SPTLC2: variants seen among roughly 807,000 people sequenced by gnomAD.
The protein encoded by SPTLC2 is serine palmitoyltransferase 2.
SPTLC2 carries 21 observed loss-of-function variants against 62.0 expected under a neutral mutation model. The observed-to-expected ratio is 0.34, with a 90% CI of 0.24 to 0.49. SPTLC2 has a LOEUF of 0.49. Ranked by LOEUF, SPTLC2 falls within the 20% of genes least tolerant of loss-of-function variation. The pLI is 0.99. For missense variants in SPTLC2, 511 were observed against 713.0 expected, an observed-to-expected ratio of 0.72 and a Z score of 3.23; for synonymous variants, 261 against 261.8, an observed-to-expected ratio of 1.00 and a Z score of 0.03.
chr14:77,570,628 A>C (rs573649273), intron 4 of SPTLC2, 120 bp from the exon 5 acceptor site: 97 of 1,169,806 alleles, frequency 8.3e-5, no homozygotes, highest in African/African-American at 5.3e-4. Flanking sequence ...AGATCTATGA[A>C]GGAGTCAATA....
chr14:77,535,014 G>A (rs4903600), intron 9 of SPTLC2, among the ~76,000 whole-genome samples: 36,385 of 151,900 alleles, frequency 0.24, 4,957 homozygotes, highest in Middle Eastern at 0.38. Context: ...GCAACCCTCC[G>A]CCTCCCGGGT....
intron 9 of SPTLC2, among the ~76,000 whole-genome samples, chr14:77,527,940 A>G (rs73319095): frequency 6.6e-6 from 1 of 152,136 alleles, no homozygotes; most frequent in Non-Finnish European, 1.5e-5. Context: ...TAACCAACAA[A>G]AACATGTTTG....
rs1595024933 is a variant in SPTLC2, at chr14:77,616,171, G to A, written c.132+277C>T. On this transcript the variant is annotated intron_variant, in intron 1 of 11. Coordinates refer to ENST00000216484, the MANE Select transcript of SPTLC2 (RefSeq NM_004863.4). Reference sequence around the variant, plus strand: ...CCCCTGGGGACAGCACACACTTCTGGCAGAATGGGGCAGAGAAAAGTACCC... The same window carrying A: ...CCCCTGGGGACAGCACACACTTCTGACAGAATGGGGCAGAGAAAAGTACCC... Among the ~76,000 whole-genome samples the A allele has an allele frequency of 2.6e-5, 4 of 152,288 alleles. No individual in the cohort carries two copies. In the South Asian group the frequency reaches 6.2e-4, roughly 24 times the overall value.
At chr14:77,545,190 A>G (rs535073536) in intron 9 of SPTLC2, among the ~76,000 whole-genome samples, 9 of 152,290 alleles carry the variant, frequency 5.9e-5, no homozygotes, top group Admixed American at 4.6e-4. Context: ...TAGAAAAACT[A>G]TAGGTGACAA....
intron 9 of SPTLC2, among the ~76,000 whole-genome samples, chr14:77,543,088 T>C (rs1241843690): frequency 6.6e-6 from 1 of 152,206 alleles, no homozygotes; most frequent in African/African-American, 2.4e-5. Context: ...CTCACTCTGT[T>C]GCCTGAGCTG....
intron 9 of SPTLC2, among the ~76,000 whole-genome samples, chr14:77,534,923 A>G (rs112283964): frequency 0.029 from 4,306 of 148,912 alleles, 218 homozygotes; most frequent in African/African-American, 0.1. Context: ...GATGCAGCCA[A>G]GTGCTATTTC....
intron 8 of SPTLC2, among the ~76,000 whole-genome samples, chr14:77,555,094 G>A (rs1180118738): frequency 6.6e-6 from 1 of 152,154 alleles, no homozygotes; most frequent in Non-Finnish European, 1.5e-5. Context: ...TTAGAAAGAA[G>A]CTCAAATAAG....
chr14:77,587,878 T>C (rs1051384731), intron 2 of SPTLC2, among the ~76,000 whole-genome samples: 1 of 131,826 alleles, frequency 7.6e-6, no homozygotes, highest in South Asian at 2.4e-4. Flanking sequence ...AAAGACAAGA[T>C]AGTAAAAAAA....
At chr14:77,599,781 A>C (rs1251992016) in intron 1 of SPTLC2, among the ~76,000 whole-genome samples, 1 of 152,238 alleles carries the variant, frequency 6.6e-6, no homozygotes, top group African/African-American at 2.4e-5. Flanking sequence ...AAGGCAGAAA[A>C]TTGTTTAAAA....
chr14:77,577,346 T>C (rs781015129), intron 3 of SPTLC2, among the ~76,000 whole-genome samples: 9 of 152,050 alleles, frequency 5.9e-5, no homozygotes, highest in Admixed American at 1.3e-4. Flanking sequence ...TTTCATACAA[T>C]GGAAGCTGAG....
rs1204680929 is a variant in SPTLC2, at chr14:77,576,753, C to A, written c.631+14G>T. ...GTCAAAAACAGCAGCTGGCCAAATA[C>A]AGCTTTCACTTACCAATTTCCTGCC... On this transcript the variant is annotated intron_variant, in intron 4 of 11. Coordinates refer to ENST00000216484, the MANE Select transcript of SPTLC2 (RefSeq NM_004863.4). The A allele has an allele frequency of 1.9e-6, 3 of 1,614,054 alleles. No individual in the cohort carries two copies. Among genetic ancestry groups the A allele is most frequent in the Non-Finnish European group, 2.5e-6 (3 of 1,180,046 alleles).
At chr14:77,588,539 A>C (rs1020935956) in intron 2 of SPTLC2, among the ~76,000 whole-genome samples, 31 of 152,002 alleles carry the variant, frequency 2.0e-4, no homozygotes, top group African/African-American at 6.3e-4. Context: ...AAAAAAAAAA[A>C]ACAAAAATTA....
chr14:77,550,431 G>A (rs555110406), intron 9 of SPTLC2, among the ~76,000 whole-genome samples: 39 of 152,248 alleles, frequency 2.6e-4, no homozygotes, highest in African/African-American at 7.7e-4. Flanking sequence ...AAAATTAGCC[G>A]GGTGTGGTGG....
At chr14:77,555,588 T>C (rs2079578902) in intron 7 of SPTLC2, 69 bp from the exon 8 acceptor site, 2 of 1,457,482 alleles carry the variant, frequency 1.4e-6, no homozygotes, top group Non-Finnish European at 1.9e-6. Context: ...AATTGGGAGT[T>C]TGGCACTTCA....
intron 3 of SPTLC2, 42 bp downstream of exon 3, chr14:77,578,913 C>A (rs1375612470): frequency 6.2e-7 from 1 of 1,608,346 alleles, no homozygotes; most frequent in East Asian, 2.2e-5. Flanking sequence ...TGAAGAAACC[C>A]TTTTGTAATT....
intron 8 of SPTLC2, 150 bp downstream of exon 8, chr14:77,555,150 G>T (rs2079575718): frequency 3.7e-6 from 3 of 807,218 alleles, no homozygotes; most frequent in Admixed American, 3.8e-5. Context: ...TCAGTGAGGA[G>T]ACATTAGAGT....
chr14:77,576,666 A>C, intron 4 of SPTLC2, 101 bp downstream of exon 4: 1 of 1,512,426 alleles, frequency 6.6e-7, no homozygotes. Context: ...ATGACATGAC[A>C]AAGTGTAGAT....
chr14:77,554,038 G>A (rs955384360), intron 8 of SPTLC2, among the ~76,000 whole-genome samples: 17 of 152,034 alleles, frequency 1.1e-4, no homozygotes, highest in African/African-American at 3.9e-4. Context: ...AGCTGGTATT[G>A]AACTCCTGGG....
intron 2 of SPTLC2, among the ~76,000 whole-genome samples, chr14:77,593,754 C>T (rs1454100072): frequency 1.3e-5 from 2 of 152,172 alleles, no homozygotes; most frequent in African/African-American, 4.8e-5. Flanking sequence ...ATGAATACCA[C>T]TCTCTCAGTG....
Sources: gnomAD v4.1 joint callset for allele counts (sites outside exome capture counted in the v4.1 genomes callset) on GRCh38, gnomAD v4.1.1 for gene constraint, MANE v1.5 for transcripts, NCBI Gene and HGNC (gene_info 2026-07-23, HGNC 2026-07-21) for gene names.